Variants in LARGE1 observed in about 807,000 individuals in gnomAD.
LARGE1 encodes the protein LARGE xylosyl- and glucuronyltransferase 1.
Under a neutral mutation model 87.6 loss-of-function variants are expected in LARGE1, and 43 were observed. That is an observed-to-expected ratio of 0.49 (90% confidence interval 0.38 to 0.63). The LOEUF is 0.63. Ranked by LOEUF, LARGE1 falls within the 30% of genes least tolerant of loss-of-function variation. LARGE1 has a pLI of 0.00. For synonymous variants in LARGE1, 434 were observed against 394.6 expected (o/e 1.10, Z -1.18); for missense variants, 802 against 1,000.2 (o/e 0.80, Z 2.67).
At chr22:33,090,342 A>C in the LARGE1 span, among the ~76,000 whole-genome samples, 1 of 152,218 alleles carries the variant, frequency 6.6e-6, no homozygotes, top group East Asian at 1.9e-4. Context: ...AATTATAAGC[A>C]CTGAAAAAAA....
chr22:33,857,071 C>T (rs757875774), intron 1 of LARGE1, among the ~76,000 whole-genome samples: 16 of 152,190 alleles, frequency 1.1e-4, no homozygotes, highest in Non-Finnish European at 2.2e-4. Flanking sequence ...GCTGGGATTA[C>T]AGGCTCAGCT....
intron 2 of LARGE1, among the ~76,000 whole-genome samples, chr22:33,760,522 T>C (rs1315776260): frequency 6.6e-6 from 1 of 152,194 alleles, no homozygotes; most frequent in Admixed American, 6.5e-5. Flanking sequence ...CATCGCAACG[T>C]GCCGCGATCA....
intron 1 of LARGE1, among the ~76,000 whole-genome samples, chr22:33,881,991 C>A (rs891376456): frequency 5.9e-5 from 9 of 152,214 alleles, no homozygotes; most frequent in African/African-American, 1.7e-4. Flanking sequence ...CTTTGCCACA[C>A]CCGCAAATGC....
chr22:33,848,474 G>C (rs1329638006), intron 1 of LARGE1, among the ~76,000 whole-genome samples: 1 of 152,028 alleles, frequency 6.6e-6, no homozygotes, highest in Non-Finnish European at 1.5e-5. Flanking sequence ...GAATGACTCA[G>C]AGTGAAAGTC....
intron 6 of LARGE1, among the ~76,000 whole-genome samples, chr22:33,506,356 C>G (rs739027): frequency 0.45 from 67,900 of 151,978 alleles, 15,428 homozygotes; most frequent in African/African-American, 0.48. Flanking sequence ...CTTGAGGCCA[C>G]AGATGAGCGC....
intron 12 of LARGE1, 34 bp from the exon 13 acceptor site, chr22:33,283,382 C>G: frequency 6.2e-7 from 1 of 1,613,684 alleles, no homozygotes; most frequent in Non-Finnish European, 8.5e-7. Flanking sequence ...AGACAGAGTC[C>G]CTGTGACACC....
At chr22:33,326,504 T>G (rs1937257284) in intron 10 of LARGE1, among the ~76,000 whole-genome samples, 1 of 152,198 alleles carries the variant, frequency 6.6e-6, no homozygotes, top group Non-Finnish European at 1.5e-5. Context: ...ACTTTATTGA[T>G]TCCTCTTAAG....
At chr22:33,750,548 G>A (rs997727489) in intron 2 of LARGE1, 1 of 150,176 alleles carries the variant, frequency 6.7e-6, no homozygotes, top group African/African-American at 2.5e-5. Flanking sequence ...TCCTTCTTGT[G>A]TTTCTATATC....
In LARGE1 at chr22:33,493,471, A is replaced by G. The variant is rs79002214; in HGVS notation, c.788-61206T>C. Among the ~76,000 whole-genome samples, 534 of 152,084 alleles carry G rather than the reference A, an allele frequency of 3.5e-3. 5 individuals are homozygous for G. The highest frequency in any genetic ancestry group is 0.024 in the South Asian group (113 of 4,804). ...CCACCGTGCCCGGCCTGAGCATGGAATTTTTTAATGTGTCTACATCTGACA... is the reference window on the plus strand; with the variant it reads ...CCACCGTGCCCGGCCTGAGCATGGAGTTTTTTAATGTGTCTACATCTGACA... On this transcript the variant is annotated intron_variant, in intron 6 of 14. Coordinates refer to ENST00000397394, the MANE Select transcript of LARGE1 (RefSeq NM_133642.5).
At chr22:33,256,728 C>G (rs1002611987) in intron 11 of LARGE1, among the ~76,000 whole-genome samples, 2 of 152,136 alleles carry the variant, frequency 1.3e-5, no homozygotes, top group Non-Finnish European at 2.9e-5. Context: ...TCACCTTCAC[C>G]CTAGCCTCAT....
intron 1 of LARGE1, among the ~76,000 whole-genome samples, chr22:33,886,508 C>G (rs2064848463): frequency 6.6e-6 from 1 of 151,938 alleles, no homozygotes; most frequent in Non-Finnish European, 1.5e-5. Flanking sequence ...GAAACCCTGT[C>G]TCTACTAAAA....
intron 6 of LARGE1, among the ~76,000 whole-genome samples, chr22:33,471,611 G>T (rs1001326564): frequency 6.6e-6 from 1 of 151,938 alleles, no homozygotes; most frequent in Admixed American, 6.6e-5. Context: ...CTGAATAACT[G>T]GTTGGGACCA....
chr22:33,837,293 T>A (rs1302870590), intron 1 of LARGE1, among the ~76,000 whole-genome samples: 1 of 149,492 alleles, frequency 6.7e-6, no homozygotes, highest in African/African-American at 2.5e-5. Context: ...TATACATACA[T>A]ACATATGTGT....
At chr22:33,577,174 G>T (rs1198497493) in intron 5 of LARGE1, among the ~76,000 whole-genome samples, 1 of 151,320 alleles carries the variant, frequency 6.6e-6, no homozygotes, top group African/African-American at 2.4e-5. Flanking sequence ...TTCTTGTGGG[G>T]ATCAAAAAAA....
At chr22:33,826,820 T>C (rs2062803964) in intron 1 of LARGE1, among the ~76,000 whole-genome samples, 1 of 152,132 alleles carries the variant, frequency 6.6e-6, no homozygotes. Context: ...CCTACAATAG[T>C]TCTCATCTTA....
intron 7 of LARGE1, among the ~76,000 whole-genome samples, chr22:33,384,621 G>T (rs916983744): frequency 6.7e-6 from 1 of 148,684 alleles, no homozygotes; most frequent in Admixed American, 6.7e-5. Flanking sequence ...TCAAAGGACT[G>T]TTGGAAGGAG....
intron 9 of LARGE1, among the ~76,000 whole-genome samples, chr22:33,362,895 T>G (rs2064438667): frequency 6.7e-6 from 1 of 150,036 alleles, no homozygotes; most frequent in Non-Finnish European, 1.5e-5. Flanking sequence ...TTGTTTCACT[T>G]TGAATGAAAG....
At chr22:33,878,141 T>TTTTTTTTTTTTG (rs2064539511) in intron 1 of LARGE1, among the ~76,000 whole-genome samples, 1 of 118,292 alleles carries the variant, frequency 8.5e-6, no homozygotes, top group African/African-American at 2.9e-5. Context: ...TTTTTTTTTT[T>TTTTTTTTTTTTG]TTTTTTTTTT....
intron 11 of LARGE1, among the ~76,000 whole-genome samples, chr22:33,217,419 A>G (rs527912962): frequency 7.2e-5 from 11 of 152,308 alleles, no homozygotes; most frequent in Non-Finnish European, 1.6e-4. Flanking sequence ...GTGCACACTA[A>G]AGTTTGAGAA....
Sources: gnomAD v4.1 joint callset for allele counts (sites outside exome capture counted in the v4.1 genomes callset) on GRCh38, gnomAD v4.1.1 for gene constraint, MANE v1.5 for transcripts, NCBI Gene and HGNC (gene_info 2026-07-23, HGNC 2026-07-21) for gene names.